IL16: variants seen among roughly 807,000 people sequenced by gnomAD.
The protein encoded by IL16 is pro-interleukin-16.
Under a neutral mutation model 110.1 loss-of-function variants are expected in IL16, and 67 were observed. The ratio of observed to expected loss-of-function variants is 0.61; its 90% CI spans 0.50 to 0.75. IL16 has a LOEUF of 0.75. IL16 is among the 30% of genes least tolerant of loss of function. IL16 has a pLI of 0.00. For missense variants in IL16, 1,545 were observed against 1,655.0 expected (o/e 0.93, Z 1.15); for synonymous variants, 689 against 662.9 (o/e 1.04, Z -0.61).
chr15:81,300,484 C>A lies in IL16; in HGVS notation c.3149+9C>A. ...ACAGGGTTCTCGCTCAAGTGAGTTT[C>A]TACACCCGGTGTTTCTCTTTACCTT... On this transcript the variant is annotated intron_variant, in intron 14 of 18. Transcript: ENST00000683961. The A allele has an allele frequency of 6.3e-7, 1 of 1,583,438 alleles. No homozygotes were observed.
intron 11 of IL16, among the ~76,000 whole-genome samples, chr15:81,291,630 C>G (rs1345893123): frequency 6.6e-6 from 1 of 152,012 alleles, no homozygotes; most frequent in African/African-American, 2.4e-5. Flanking sequence ...GAAAGGGGCA[C>G]CCTTGACAGC....
At chr15:81,269,184 C>A (rs1267281852) in intron 4 of IL16, among the ~76,000 whole-genome samples, 1 of 152,216 alleles carries the variant, frequency 6.6e-6, no homozygotes, top group Non-Finnish European at 1.5e-5. Flanking sequence ...TCAGGGCGTT[C>A]TTGGTAGCTG....
chr15:81,182,909 C>A, intron 1 of IL16: 1 of 1,287,176 alleles, frequency 7.8e-7, no homozygotes, highest in Non-Finnish European at 1.0e-6. Flanking sequence ...GAGTGGAGCT[C>A]CTTCTCCTAT....
chr15:81,233,488 TGTGTGTGTC>T (rs1897081486), intron 2 of IL16, among the ~76,000 whole-genome samples: 1 of 151,396 alleles, frequency 6.6e-6, no homozygotes, highest in African/African-American at 2.4e-5. Flanking sequence ...TGTGTGTGTG[TGTGTGTGTC>T]TTGATTGATT....
intron 2 of IL16, among the ~76,000 whole-genome samples, chr15:81,239,678 G>C (rs1246619796): frequency 6.6e-6 from 1 of 152,198 alleles, no homozygotes; most frequent in Non-Finnish European, 1.5e-5. Flanking sequence ...TTGGCACCCT[G>C]GTTGTGGAAC....
At chr15:81,259,926 C>A (rs747683310) in intron 3 of IL16, 46 bp downstream of exon 3, 3 of 1,216,460 alleles carry the variant, frequency 2.5e-6, no homozygotes, top group Admixed American at 3.4e-5. Context: ...CTCAGCTGTT[C>A]CTGGATAGCA....
intron 11 of IL16, chr15:81,292,055 G>A: frequency 2.3e-6 from 1 of 444,154 alleles, no homozygotes; most frequent in Non-Finnish European, 4.6e-6. Flanking sequence ...GGACGGAGCT[G>A]AGGTGCACAC....
At chr15:81,208,806 A>G (rs1017200908) in intron 1 of IL16, among the ~76,000 whole-genome samples, 5 of 152,204 alleles carry the variant, frequency 3.3e-5, no homozygotes, top group Admixed American at 3.3e-4. Context: ...GTGTGGGCTC[A>G]TTAATCTGCC....
intron 4 of IL16, among the ~76,000 whole-genome samples, chr15:81,269,233 T>C (rs1169863849): frequency 1.3e-5 from 2 of 152,250 alleles, no homozygotes; most frequent in Non-Finnish European, 2.9e-5. Flanking sequence ...TTATGAGGAC[T>C]TGTCCTGGAG....
At chr15:81,308,478 C>T in intron 18 of IL16, 127 bp from the exon 19 acceptor site, 1 of 661,846 alleles carries the variant, frequency 1.5e-6, no homozygotes, top group Non-Finnish European at 2.6e-6. Flanking sequence ...CACCAACAAG[C>T]AAGCTCCCAA....
Position 81,297,048 on chromosome 15 carries a change from G to A in IL16, c.2023G>A (p.Gly675Ser), listed in dbSNP as rs751407020. 1.0e-4 allele frequency: 165 copies of A among 1,613,690 alleles called. 2 individuals are homozygous for A. The South Asian group carries it at 1.6e-3, about 16-fold the overall frequency. The stretch of plus-strand genomic sequence containing the variant: ...CCCACAGACCAAGTCCTCCACAGAG[G>A]GCGAGCCAGGGTGGAGAAGAGCCAG... The part of the protein sequence containing the change: ...IGPQTKSSTE[G>S]EPGWRRASPV... The change falls in exon 13 of 19, where the codon GGC (glycine) becomes AGC (serine). Residue 675 changes from glycine (G) to serine (S), a missense_variant. This residue lies in a region of IL16 where 1,185 missense variants were observed against 1,238.8 expected (regional missense o/e 0.96). Coordinates refer to ENST00000683961, the MANE Select transcript of IL16 (RefSeq NM_172217.5).
chr15:81,283,466 G>A (rs990612440), intron 9 of IL16, among the ~76,000 whole-genome samples: 10 of 152,208 alleles, frequency 6.6e-5, no homozygotes, highest in Non-Finnish European at 1.3e-4. Context: ...CTGGGAACTT[G>A]TTAGAAATGT....
At chr15:81,301,311 G>A (rs1900272182) in intron 14 of IL16, 33 bp from the exon 15 acceptor site, 1 of 1,568,188 alleles carries the variant, frequency 6.4e-7, no homozygotes, top group African/African-American at 1.4e-5. Flanking sequence ...TAATATTGTT[G>A]TTCATACTGT....
chr15:81,307,229 G>A (rs767012975), intron 18 of IL16, among the ~76,000 whole-genome samples: 7 of 152,196 alleles, frequency 4.6e-5, no homozygotes, highest in Non-Finnish European at 1.0e-4. Context: ...GTTGTAGAGA[G>A]AGGAGTACTG....
chr15:81,272,971 G>C (rs961659126), intron 5 of IL16, 119 bp from the exon 6 acceptor site: 13 of 672,028 alleles, frequency 1.9e-5, no homozygotes, highest in East Asian at 6.1e-5. Context: ...GAGACCAAAG[G>C]CACCTTCTCT....
At chr15:81,260,520 T>C (rs1246160182) in intron 3 of IL16, among the ~76,000 whole-genome samples, 1 of 152,220 alleles carries the variant, frequency 6.6e-6, no homozygotes, top group Non-Finnish European at 1.5e-5. Flanking sequence ...CAACTCCCTA[T>C]TATTAGATAT....
rs1389128015 is a variant in IL16 at position 81,313,457 on chromosome 15, C to T, written c.*4659C>T. ...TGATCTGCAGCAGAGGTGCTGGGGA[C>T]GAGCGCCAGGCAGGTGAGCAGAGCC... On this transcript the variant is annotated 3_prime_UTR_variant, in exon 19 of 19. Transcript: ENST00000683961. 14 of 1,432,938 alleles carry T rather than the reference C, an allele frequency of 9.8e-6. No homozygotes were observed. Among genetic ancestry groups the T allele is most frequent in the East Asian group, 5.4e-5 (2 of 37,256 alleles). The allele number at this position is 1,432,938 out of a possible 1,614,324, so 88.8% of individuals were successfully genotyped here.
At chr15:81,243,161 A>ATTTTTTTTTT (rs1449318741) in intron 2 of IL16, among the ~76,000 whole-genome samples, 5 of 27,776 alleles carry the variant, frequency 1.8e-4, no homozygotes, top group Non-Finnish European at 3.6e-4. Context: ...ATATATATAT[A>ATTTTTTTTTT]TATTTTTTTT....
chr15:81,295,546 A>G, intron 12 of IL16: 1 of 1,271,906 alleles, frequency 7.9e-7, no homozygotes, highest in South Asian at 1.2e-5. Context: ...ATCCCCATGT[A>G]ATTTCTCTTG....
Sources: allele counts gnomAD v4.1 joint callset (sites outside exome capture counted in the v4.1 genomes callset), GRCh38; gene constraint gnomAD v4.1.1; regional missense constraint gnomAD v4.1.1; transcripts MANE v1.5; gene names NCBI Gene and HGNC (gene_info 2026-07-23, HGNC 2026-07-21).